Variants in IGF1 observed in about 807,000 individuals in gnomAD.
The protein encoded by IGF1 is insulin-like growth factor 1.
Under a neutral mutation model 13.8 loss-of-function variants are expected in IGF1, and 4 were observed. The ratio of observed to expected loss-of-function variants is 0.29; its 90% CI spans 0.14 to 0.66. The LOEUF (loss-of-function observed/expected upper bound fraction) is 0.66. Ranked by LOEUF, IGF1 falls within the 30% of genes least tolerant of loss-of-function variation. The pLI is 0.78. For missense variants in IGF1, 124 were observed against 188.5 expected (o/e 0.66, Z 2.00); for synonymous variants, 76 against 72.6 (o/e 1.05, Z -0.23).
At position 102,411,474 on chromosome 12, in the gene IGF1, G is replaced by C. The variant is rs528212598; in HGVS notation, c.402+8035C>G. Among the ~76,000 whole-genome samples the C allele has an allele frequency of 4.6e-5, 7 of 152,284 alleles. No individual in the cohort carries two copies. The East Asian group carries it at 1.4e-3, about 29-fold the overall frequency. On this transcript the variant is annotated intron_variant, in intron 3 of 3. Transcript: ENST00000337514. ...CCTCTTGGTGCTGGCTAGACAGAAA[G>C]CCCCAAGTGAATGTTTATACATTGT...
intron 2 of IGF1, among the ~76,000 whole-genome samples, chr12:102,451,724 C>T (rs987754313): frequency 6.6e-6 from 1 of 152,172 alleles, no homozygotes; most frequent in African/African-American, 2.4e-5. Context: ...AACCTCTAAG[C>T]ATCTGAGGCA....
intron 2 of IGF1, among the ~76,000 whole-genome samples, chr12:102,455,465 ATC>A (rs1407529190): frequency 2.0e-5 from 3 of 152,216 alleles, no homozygotes; most frequent in Non-Finnish European, 1.5e-5. Context: ...TTTTCCAGAA[ATC>A]TCAGGTCAGG....
chr12:102,479,387 C>CT (rs896512835), intron 1 of IGF1, among the ~76,000 whole-genome samples: 1 of 151,948 alleles, frequency 6.6e-6, no homozygotes, highest in African/African-American at 2.4e-5. Context: ...GTGACAGCAG[C>CT]TTAAAAGCGC....
chr12:102,414,001 T>G (rs762586328), intron 3 of IGF1, among the ~76,000 whole-genome samples: 6 of 152,160 alleles, frequency 3.9e-5, no homozygotes, highest in Non-Finnish European at 7.4e-5. Flanking sequence ...GGGCTTGAAG[T>G]TTTTGGTGAC....
At chr12:102,411,795 C>A (rs1874668908) in intron 3 of IGF1, among the ~76,000 whole-genome samples, 1 of 152,140 alleles carries the variant, frequency 6.6e-6, no homozygotes. Context: ...ATGAATGTTC[C>A]TTTATCTGAC....
intron 1 of IGF1, among the ~76,000 whole-genome samples, chr12:102,477,731 A>G (rs1014232809): frequency 6.6e-6 from 1 of 151,926 alleles, no homozygotes; most frequent in Non-Finnish European, 1.5e-5. Context: ...ACCGAATCCT[A>G]TTTCTCCACC....
At chr12:102,452,357 C>G (rs1879040498) in intron 2 of IGF1, among the ~76,000 whole-genome samples, 1 of 147,760 alleles carries the variant, frequency 6.8e-6, no homozygotes, top group Non-Finnish European at 1.5e-5. Flanking sequence ...AACTGTGAGT[C>G]AATTAAACCT....
chr12:102,451,405 C>T (rs1294354698), intron 2 of IGF1, among the ~76,000 whole-genome samples: 1 of 152,152 alleles, frequency 6.6e-6, no homozygotes, highest in East Asian at 1.9e-4. Flanking sequence ...TCCAGGAAGC[C>T]AGAACTTCTA....
intron 2 of IGF1, among the ~76,000 whole-genome samples, chr12:102,435,905 T>C (rs1877184891): frequency 6.6e-6 from 1 of 152,204 alleles, no homozygotes; most frequent in Non-Finnish European, 1.5e-5. Context: ...AGTTCTCAAA[T>C]GATGCCAGTG....
At chr12:102,406,498 G>T (rs1025807221) in intron 3 of IGF1, among the ~76,000 whole-genome samples, 4 of 152,160 alleles carry the variant, frequency 2.6e-5, no homozygotes, top group Non-Finnish European at 5.9e-5. Flanking sequence ...ACAGTAGTGA[G>T]TAAATACTGT....
intron 3 of IGF1, among the ~76,000 whole-genome samples, chr12:102,406,329 A>G (rs1874152859): frequency 6.6e-6 from 1 of 152,244 alleles, no homozygotes; most frequent in African/African-American, 2.4e-5. Context: ...AGCAGCCGTC[A>G]TCAGAGCTGG....
chr12:102,403,916 AATGAGT>A, intron 3 of IGF1, among the ~76,000 whole-genome samples: 1 of 152,298 alleles, frequency 6.6e-6, no homozygotes, highest in East Asian at 1.9e-4. Context: ...GAAATGAATG[AATGAGT>A]ATGAGGGACC....
At chr12:102,417,556 T>C (rs956262470) in intron 3 of IGF1, 4 of 1,188,082 alleles carry the variant, frequency 3.4e-6, no homozygotes, top group South Asian at 3.5e-5. Flanking sequence ...TTTTTTTGCC[T>C]CTTTTATAAT....
rs138668850 is a variant in IGF1, at chr12:102,478,199, C to A, written c.63+2120G>T. Among the ~76,000 whole-genome samples, 1,107 of 150,738 alleles carry A rather than the reference C, an allele frequency of 7.3e-3. 12 individuals are homozygous for A. The highest frequency in any genetic ancestry group is 0.019 in the African/African-American group (800 of 41,048). On this transcript the variant is annotated intron_variant, in intron 1 of 3. Coordinates refer to ENST00000337514, the MANE Select transcript of IGF1 (RefSeq NM_000618.5). ...AGTTTAAAGTGTGAAACAAGTGGTCCCATATGTTCATTATTTCCTTGGCCT... is the reference window on the plus strand; with the variant it reads ...AGTTTAAAGTGTGAAACAAGTGGTCACATATGTTCATTATTTCCTTGGCCT...
At chr12:102,465,380 C>A (rs1033903978) in intron 2 of IGF1, among the ~76,000 whole-genome samples, 1 of 152,110 alleles carries the variant, frequency 6.6e-6, no homozygotes, top group Admixed American at 6.5e-5. Context: ...TCCCATTTTA[C>A]GATAAGCTAT....
chr12:102,438,478 G>A (rs948111308), intron 2 of IGF1, among the ~76,000 whole-genome samples: 3 of 152,164 alleles, frequency 2.0e-5, no homozygotes, highest in Middle Eastern at 3.2e-3. Flanking sequence ...ATTCAAGATG[G>A]TCGAGGAACA....
At chr12:102,420,949 A>G (rs1875657984) in intron 2 of IGF1, among the ~76,000 whole-genome samples, 1 of 152,192 alleles carries the variant, frequency 6.6e-6, no homozygotes, top group African/African-American at 2.4e-5. Context: ...TAATGACACC[A>G]TTACTTGAGG....
chr12:102,409,643 G>A (rs1009291568), intron 3 of IGF1, among the ~76,000 whole-genome samples: 3 of 152,154 alleles, frequency 2.0e-5, no homozygotes, highest in African/African-American at 7.2e-5. Flanking sequence ...TGCAGTGCTT[G>A]ATTAGCACAC....
At chr12:102,475,441 G>C (rs1013009134) in intron 2 of IGF1, among the ~76,000 whole-genome samples, 1 of 152,026 alleles carries the variant, frequency 6.6e-6, no homozygotes, top group African/African-American at 2.4e-5. Flanking sequence ...TGTTAAGGAG[G>C]AAAATTCCAT....
Sources: gnomAD v4.1 joint callset for allele counts (sites outside exome capture counted in the v4.1 genomes callset) on GRCh38, gnomAD v4.1.1 for gene constraint, MANE v1.5 for transcripts, NCBI Gene and HGNC (gene_info 2026-07-23, HGNC 2026-07-21) for gene names.